The following NCAM2 variants were observed in gnomAD, a reference collection of about 807,000 sequenced individuals.
The protein encoded by NCAM2 is N-CAM-2.
Under a neutral mutation model 98.1 loss-of-function variants are expected in NCAM2, and 30 were observed. The ratio of observed to expected loss-of-function variants is 0.31; its 90% confidence interval spans 0.23 to 0.41. The LOEUF is 0.41. Among genes scored for constraint, NCAM2 ranks in the 10% least tolerant of loss-of-function variants. The pLI is 1.00. For missense variants in NCAM2, 867 were observed against 1,005.8 expected, an observed-to-expected ratio of 0.86 and a Z score of 1.87; for synonymous variants, 368 against 342.4, an observed-to-expected ratio of 1.07 and a Z score of -0.83.
At chr21:21,220,097 TAAGCTA>T (rs1694462310) in intron 1 of NCAM2, among the ~76,000 whole-genome samples, 1 of 152,038 alleles carries the variant, frequency 6.6e-6, no homozygotes, top group Non-Finnish European at 1.5e-5. Context: ...AAAGTTGCAG[TAAGCTA>T]AAGCTAAATT....
intron 5 of NCAM2, among the ~76,000 whole-genome samples, chr21:21,305,906 C>A (rs1292719966): frequency 1.3e-5 from 2 of 152,092 alleles, no homozygotes; most frequent in Admixed American, 6.6e-5. Context: ...TATATGTCTA[C>A]TTCAACTTTA....
chr21:21,323,293 C>G (rs939398107), intron 5 of NCAM2, among the ~76,000 whole-genome samples: 2 of 152,022 alleles, frequency 1.3e-5, no homozygotes, highest in African/African-American at 4.8e-5. Context: ...GACAACATGT[C>G]AGATTATGTT....
chr21:21,536,502 C>T (rs1490035057), intron 17 of NCAM2, among the ~76,000 whole-genome samples: 2 of 151,770 alleles, frequency 1.3e-5, no homozygotes, highest in East Asian at 3.9e-4. Flanking sequence ...AGCAATTCTC[C>T]TGTCTCAGCC....
At chr21:21,114,623 ATGG>A (rs2066516564) in intron 1 of NCAM2, among the ~76,000 whole-genome samples, 1 of 152,188 alleles carries the variant, frequency 6.6e-6, no homozygotes, top group Non-Finnish European at 1.5e-5. Flanking sequence ...AATGATGCCA[ATGG>A]TACTACAAAA....
At chr21:21,487,455 TTG>T (rs1446574632) in intron 15 of NCAM2, among the ~76,000 whole-genome samples, 3 of 152,138 alleles carry the variant, frequency 2.0e-5, no homozygotes, top group Non-Finnish European at 2.9e-5. Flanking sequence ...AAATTTGAGC[TTG>T]TGTGTTGAGT....
At chr21:20,998,900 T>C (rs1222963817) in intron 1 of NCAM2, among the ~76,000 whole-genome samples, 2 of 152,070 alleles carry the variant, frequency 1.3e-5, no homozygotes, top group Non-Finnish European at 2.9e-5. Context: ...TTTTTTCCTC[T>C]GGGATTATGG....
intron 1 of NCAM2, among the ~76,000 whole-genome samples, chr21:21,137,130 C>A (rs1158374805): frequency 6.6e-6 from 1 of 152,002 alleles, no homozygotes; most frequent in Non-Finnish European, 1.5e-5. Flanking sequence ...CAGGTGTGAG[C>A]CACTGCGCCC....
At chr21:21,270,520 T>G (rs181952502) in intron 1 of NCAM2, among the ~76,000 whole-genome samples, 87 of 152,322 alleles carry the variant, frequency 5.7e-4, no homozygotes, top group African/African-American at 2.0e-3. Context: ...TGATTTTACT[T>G]TTACTAATAA....
chr21:21,144,254 C>A (rs2067227725), intron 1 of NCAM2, among the ~76,000 whole-genome samples: 1 of 151,514 alleles, frequency 6.6e-6, no homozygotes, highest in Non-Finnish European at 1.5e-5. Context: ...GAGGCTGAGA[C>A]CAGAAAATTG....
intron 9 of NCAM2, among the ~76,000 whole-genome samples, chr21:21,385,960 C>T (rs571139322): frequency 6.6e-6 from 1 of 151,772 alleles, no homozygotes; most frequent in South Asian, 2.1e-4. Flanking sequence ...CTTTAATTCT[C>T]CTTAGACATA....
chr21:21,427,785 T>A (rs2077246756), intron 11 of NCAM2, among the ~76,000 whole-genome samples: 1 of 152,224 alleles, frequency 6.6e-6, no homozygotes, highest in African/African-American at 2.4e-5. Context: ...TTGTATCCAT[T>A]ACCTGCCATT....
intron 1 of NCAM2, among the ~76,000 whole-genome samples, chr21:21,080,309 G>C (rs185752174): frequency 6.6e-6 from 1 of 151,788 alleles, no homozygotes; most frequent in Non-Finnish European, 1.5e-5. Flanking sequence ...TTAACATTTC[G>C]CCTTTACCCC....
At chr21:21,335,697 T>A in intron 7 of NCAM2, 32 bp downstream of exon 7, 1 of 1,511,434 alleles carries the variant, frequency 6.6e-7, no homozygotes, top group Non-Finnish European at 8.9e-7. Context: ...CTAAAACTGT[T>A]ATGTCTATTG....
intron 8 of NCAM2, among the ~76,000 whole-genome samples, chr21:21,354,560 C>A (rs1296246580): frequency 6.6e-6 from 1 of 152,098 alleles, no homozygotes; most frequent in Non-Finnish European, 1.5e-5. Flanking sequence ...TCAGCGTATC[C>A]ACCCTCCCCC....
intron 5 of NCAM2, among the ~76,000 whole-genome samples, chr21:21,322,293 G>A (rs564158348): frequency 5.3e-5 from 8 of 152,220 alleles, no homozygotes; most frequent in African/African-American, 1.9e-4. Context: ...AGACACTGAG[G>A]ACTACTAGAG....
At chr21:21,452,450 G>C (rs1048424359) in intron 12 of NCAM2, among the ~76,000 whole-genome samples, 1 of 138,964 alleles carries the variant, frequency 7.2e-6, no homozygotes, top group African/African-American at 2.7e-5. Flanking sequence ...ACATTGTCGG[G>C]GGGGAAGATG....
At chr21:21,212,819 T>G (rs190622283) in intron 1 of NCAM2, among the ~76,000 whole-genome samples, 35 of 149,010 alleles carry the variant, frequency 2.3e-4, no homozygotes, top group African/African-American at 7.6e-4. Context: ...CTTGGCTCAC[T>G]GCGAGCACCG....
intron 1 of NCAM2, among the ~76,000 whole-genome samples, chr21:21,019,779 A>G (rs1367389935): frequency 6.6e-6 from 1 of 152,186 alleles, no homozygotes; most frequent in East Asian, 1.9e-4. Flanking sequence ...CCACTCTGCC[A>G]CTGAATACAT....
At chr21:21,498,218 T>A (rs1457833505) in intron 15 of NCAM2, among the ~76,000 whole-genome samples, 1 of 152,156 alleles carries the variant, frequency 6.6e-6, no homozygotes, top group Non-Finnish European at 1.5e-5. Context: ...CTGGTGTAAT[T>A]TCATCAAATT....
Sources: allele counts gnomAD v4.1 joint callset (sites outside exome capture counted in the v4.1 genomes callset), GRCh38; gene constraint gnomAD v4.1.1; transcripts MANE v1.5; gene names NCBI Gene and HGNC (gene_info 2026-07-23, HGNC 2026-07-21).